The following ARHGEF10 variants were observed in gnomAD, a reference collection of about 807,000 sequenced individuals.
The protein encoded by ARHGEF10 is Rho guanine nucleotide exchange factor 10.
In ARHGEF10, 140 loss-of-function variants were observed where a neutral mutation model predicts 147.4. The ratio of observed to expected loss-of-function variants is 0.95; its 90% confidence interval spans 0.83 to 1.09. The LOEUF is 1.09. Ranked by LOEUF, ARHGEF10 falls within the 50% of genes least tolerant of loss-of-function variation. The probability of loss-of-function intolerance (pLI) is 0.00; values close to 1 mark genes in which losing one functional copy is unlikely to be tolerated. For missense variants in ARHGEF10, 2,222 were observed against 1,752.7 expected (o/e 1.27, Z -4.78); for synonymous variants, 902 against 695.8 (o/e 1.30, Z -4.67).
chr8:1,874,688 C>G (rs546809937), intron 7 of ARHGEF10, among the ~76,000 whole-genome samples: 34 of 151,720 alleles, frequency 2.2e-4, no homozygotes, highest in Admixed American at 1.3e-3. Context: ...GGTTCTAAGA[C>G]AGTCTGGAGG....
chr8:1,926,949 TC>T (rs1172194533), intron 23 of ARHGEF10: 1 of 247,248 alleles, frequency 4.0e-6, no homozygotes, highest in Admixed American at 5.2e-5. Flanking sequence ...TCCCAGGCTC[TC>T]CCCTCTCTGG....
intron 4 of ARHGEF10, among the ~76,000 whole-genome samples, chr8:1,860,669 T>C (rs1806055018): frequency 6.6e-6 from 1 of 152,230 alleles, no homozygotes; most frequent in African/African-American, 2.4e-5. Flanking sequence ...CCGAATGTGT[T>C]GCCCCCTCAT....
chr8:1,929,562 C>A, intron 25 of ARHGEF10, 119 bp downstream of exon 25: 2 of 1,265,336 alleles, frequency 1.6e-6, no homozygotes, highest in Non-Finnish European at 1.1e-6. Flanking sequence ...GTGCCTCCGC[C>A]CCTGCGCTCG....
intron 10 of ARHGEF10, among the ~76,000 whole-genome samples, chr8:1,885,210 T>C (rs1808555513): frequency 6.6e-6 from 1 of 152,240 alleles, no homozygotes; most frequent in South Asian, 2.1e-4. Context: ...ATGACTGTTC[T>C]TAGCCATTCT....
chr8:1,826,364 TTGTA>T (rs1331992070), intron 1 of ARHGEF10, among the ~76,000 whole-genome samples: 1 of 151,978 alleles, frequency 6.6e-6, no homozygotes, highest in African/African-American at 2.4e-5. Flanking sequence ...GTGTTTGTGT[TTGTA>T]TGCATGTGTG....
At chr8:1,874,279 T>A (rs1466244886) in intron 7 of ARHGEF10, among the ~76,000 whole-genome samples, 6 of 152,192 alleles carry the variant, frequency 3.9e-5, no homozygotes, top group African/African-American at 1.4e-4. Flanking sequence ...CTGAATAGCC[T>A]GAGTTCTAAC....
chr8:1,878,141 T>C (rs750749428), intron 8 of ARHGEF10, among the ~76,000 whole-genome samples: 7 of 152,190 alleles, frequency 4.6e-5, no homozygotes, highest in South Asian at 4.1e-4. Flanking sequence ...GCCACCGTCA[T>C]CATTACAACT....
intron 4 of ARHGEF10, among the ~76,000 whole-genome samples, chr8:1,863,928 CTTT>C (rs974298579): frequency 7.2e-5 from 11 of 151,970 alleles, no homozygotes; most frequent in Non-Finnish European, 8.8e-5. Flanking sequence ...TCTTGAACAT[CTTT>C]TGAGCGTGCC....
intron 1 of ARHGEF10, among the ~76,000 whole-genome samples, chr8:1,824,447 G>A (rs952889380): frequency 2.6e-5 from 4 of 151,928 alleles, no homozygotes; most frequent in African/African-American, 9.7e-5. Flanking sequence ...CTGGGGGGTC[G>A]TGCAGTAACT....
At chr8:1,880,422 C>T (rs916833321) in intron 9 of ARHGEF10, among the ~76,000 whole-genome samples, 1 of 152,230 alleles carries the variant, frequency 6.6e-6, no homozygotes, top group African/African-American at 2.4e-5. Context: ...TGCCATCTGG[C>T]TGTCTACTAG....
At chr8:1,825,874 T>TC (rs1341170210) in intron 1 of ARHGEF10, among the ~76,000 whole-genome samples, 1 of 152,244 alleles carries the variant, frequency 6.6e-6, no homozygotes, top group African/African-American at 2.4e-5. Flanking sequence ...TGACTTAATG[T>TC]CCATATGGGT....
intron 16 of ARHGEF10, 98 bp from the exon 17 acceptor site, chr8:1,905,473 G>T (rs191131398): frequency 2.7e-6 from 4 of 1,498,100 alleles, no homozygotes; most frequent in African/African-American, 2.8e-5. Context: ...GCTCAGTTTG[G>T]AAAAGTCACC....
intron 8 of ARHGEF10, among the ~76,000 whole-genome samples, chr8:1,879,665 A>C (rs1264054781): frequency 6.6e-6 from 1 of 151,290 alleles, no homozygotes; most frequent in African/African-American, 2.4e-5. Flanking sequence ...CAATTCGCCC[A>C]CCTCAGCCTC....
chr8:1,908,951 T>A (rs1404185753), intron 17 of ARHGEF10, among the ~76,000 whole-genome samples: 1 of 152,226 alleles, frequency 6.6e-6, no homozygotes, highest in Non-Finnish European at 1.5e-5. Flanking sequence ...AATATCTCTA[T>A]CCACATAGGA....
rs1808601622 is a variant in ARHGEF10, at chr8:1,885,717, G to A, written c.1182+10G>A. ...TTTATCTCAGCAGCAGGTGAGATGAGCAGAGCTGACAGGGGCTGTTGACCA... is the reference window on the plus strand; with the variant it reads ...TTTATCTCAGCAGCAGGTGAGATGAACAGAGCTGACAGGGGCTGTTGACCA... On this transcript the variant is annotated intron_variant, in intron 11 of 28. Coordinates refer to ENST00000349830, the MANE Select transcript of ARHGEF10 (RefSeq NM_014629.4). The A allele has an allele frequency of 6.3e-7, 1 of 1,597,038 alleles. No individual in the cohort carries two copies. Among genetic ancestry groups the A allele is most frequent in the Non-Finnish European group, 8.6e-7 (1 of 1,164,498 alleles).
rs1809966621 is a variant in ARHGEF10 at position 1,896,323 on chromosome 8, T to G, written c.1441-10T>G. 2.5e-6 allele frequency: 4 copies of G among 1,592,224 alleles called. No homozygotes were observed. The highest frequency in any genetic ancestry group is 1.7e-5 in the Admixed American group (1 of 59,974). ...TGTGATTTCTCTCTGAATTTCCTCC[T>G]GTGTTTCAGTTTTCTAAGTCCATGG... On this transcript the variant is annotated splice_polypyrimidine_tract_variant and intron_variant, in intron 13 of 28. Transcript: ENST00000349830.
chr8:1,855,173 G>T (rs1805456298), intron 2 of ARHGEF10, among the ~76,000 whole-genome samples: 1 of 152,156 alleles, frequency 6.6e-6, no homozygotes, highest in African/African-American at 2.4e-5. Context: ...AGCCTATTTT[G>T]TACCAGACAT....
At chr8:1,859,779 G>T (rs867686895) in intron 3 of ARHGEF10, 118 bp from the exon 4 acceptor site, 6 of 1,274,904 alleles carry the variant, frequency 4.7e-6, no homozygotes, top group Middle Eastern at 2.4e-4. Flanking sequence ...AACGTCTAGG[G>T]GTCCTGGCAT....
At chr8:1,883,804 G>C (rs1808417964) in intron 10 of ARHGEF10, among the ~76,000 whole-genome samples, 1 of 152,162 alleles carries the variant, frequency 6.6e-6, no homozygotes, top group Non-Finnish European at 1.5e-5. Context: ...AGCACAGGCA[G>C]CTCTGTCCAG....
Sources: gnomAD v4.1 joint callset for allele counts (sites outside exome capture counted in the v4.1 genomes callset) on GRCh38, gnomAD v4.1.1 for gene constraint, MANE v1.5 for transcripts, NCBI Gene and HGNC (gene_info 2026-07-23, HGNC 2026-07-21) for gene names.